KIF27: variants seen among roughly 807,000 people sequenced by gnomAD.
KIF27 encodes kinesin-like protein KIF27.
KIF27 carries 84 observed loss-of-function variants against 141.8 expected under a neutral mutation model. That is an observed-to-expected ratio of 0.59 (90% CI 0.50 to 0.71). KIF27 has a LOEUF of 0.71. KIF27 is among the 30% of genes least tolerant of loss of function. The pLI, the probability that KIF27 is intolerant of heterozygous loss-of-function variation, is 0.00. For missense variants in KIF27, 1,306 were observed against 1,628.4 expected (o/e 0.80, Z 3.41); for synonymous variants, 471 against 569.5 (o/e 0.83, Z 2.46).
chr9:83,903,586 TTAGCA>T lies in KIF27; in HGVS notation c.927_931del (p.Ser309ArgfsTer16). On this transcript the variant is annotated frameshift_variant, in exon 4 of 18. Transcript: ENST00000297814. LOFTEE classifies it high-confidence loss of function. ...GCTGACACATGTGATCATGACAGTC[TTAGCA>T]CTGCCTCCCAGAGAATCTTTCAGAA... The T allele has an allele frequency of 6.2e-7, 1 of 1,614,180 alleles. No homozygotes were observed. The highest frequency in any genetic ancestry group is 1.1e-5 in the South Asian group (1 of 91,082).
At chr9:83,887,707 AGG>A (rs1952237303) in intron 8 of KIF27, among the ~76,000 whole-genome samples, 2 of 152,038 alleles carry the variant, frequency 1.3e-5, no homozygotes, top group African/African-American at 4.8e-5. Context: ...TTCTCAAGGA[AGG>A]AACTAGTGTA....
chr9:83,854,912 AAT>A (rs1452614214), intron 14 of KIF27: 1 of 152,214 alleles, frequency 6.6e-6, no homozygotes, highest in Non-Finnish European at 1.5e-5. Context: ...GTTTGAACTC[AAT>A]ATCTGTTGAC....
chr9:83,895,413 G>A (rs1426839910), intron 5 of KIF27, among the ~76,000 whole-genome samples: 1 of 152,100 alleles, frequency 6.6e-6, no homozygotes, highest in East Asian at 1.9e-4. Context: ...GTTTGGGAAA[G>A]GGTAAATTAA....
In KIF27 at chr9:83,848,070, G is replaced by GATATATCATATATGAT. The variant is rs10622451; in HGVS notation, c.3556+2028_3556+2029insATCATATATGATATAT. On this transcript the variant is annotated intron_variant, in intron 16 of 17. Coordinates refer to ENST00000297814, the MANE Select transcript of KIF27 (RefSeq NM_017576.4). ...ACATATATCTATATATCATATATATGATATATGATATATCATATATATGAT... is the reference window on the plus strand; with the variant it reads ...ACATATATCTATATATCATATATATGATATATCATATATGATATATATGATATATCATATATATGAT... Among the ~76,000 whole-genome samples, 125 of 43,216 alleles carry GATATATCATATATGAT rather than the reference G, an allele frequency of 2.9e-3. 33 individuals are homozygous for GATATATCATATATGAT. The highest frequency in any genetic ancestry group is 0.021 in the East Asian group (46 of 2,162). The allele number at this position is 43,216 out of a possible 152,430, so 28.4% of individuals were successfully genotyped here.
At chr9:83,876,586 G>A (rs1413393969) in intron 11 of KIF27, among the ~76,000 whole-genome samples, 6 of 152,174 alleles carry the variant, frequency 3.9e-5, no homozygotes, top group Non-Finnish European at 1.5e-5. Context: ...ATGGAAAACT[G>A]TAGGGGCTCT....
At chr9:83,863,907 G>A (rs1950148482) in intron 13 of KIF27, 3 of 152,298 alleles carry the variant, frequency 2.0e-5, no homozygotes, top group Non-Finnish European at 1.5e-5. Flanking sequence ...AGTCTTGGGA[G>A]GGTGTATGTG....
Position 83,921,398 on chromosome 9 carries a change from G to T in KIF27, c.-115C>A, listed in dbSNP as rs965679102. On this transcript the variant is annotated 5_prime_UTR_variant, in exon 1 of 18. Coordinates refer to ENST00000297814, the MANE Select transcript of KIF27 (RefSeq NM_017576.4). ...GCTCGGGACAGCCCAGGCCCCTGTC[G>T]GCGAGCGCTGGACTCCTCAGCTTCG... 6.6e-6 allele frequency: 1 copy of T among 151,674 alleles called. No individual in the cohort carries two copies. Among genetic ancestry groups the T allele is most frequent in the Non-Finnish European group, 1.5e-5 (1 of 67,988 alleles). 9.4% of individuals were successfully genotyped at this position (151,674 alleles called of 1,614,324 possible).
chr9:83,918,937 A>G (rs1419693210), intron 1 of KIF27, among the ~76,000 whole-genome samples: 1 of 152,146 alleles, frequency 6.6e-6, no homozygotes, highest in African/African-American at 2.4e-5. Flanking sequence ...TTAGACGGGC[A>G]TGGTGGTGGG....
chr9:83,852,852 GA>G (rs1948769358), intron 15 of KIF27, among the ~76,000 whole-genome samples: 1 of 152,114 alleles, frequency 6.6e-6, no homozygotes, highest in Admixed American at 6.6e-5. Flanking sequence ...TGATTCTCTT[GA>G]CTCAGCCTCC....
intron 4 of KIF27, among the ~76,000 whole-genome samples, chr9:83,902,392 G>A (rs1954011633): frequency 1.3e-5 from 2 of 152,164 alleles, no homozygotes; most frequent in Non-Finnish European, 2.9e-5. Context: ...GTAACTAGGT[G>A]TGTCCTGTCC....
At chr9:83,906,293 C>T (rs1041879797) in intron 3 of KIF27, among the ~76,000 whole-genome samples, 1 of 152,124 alleles carries the variant, frequency 6.6e-6, no homozygotes. Context: ...CAGGACAGGG[C>T]TATAAAGATG....
Position 83,903,492 on chromosome 9 carries a change from T to C in KIF27, c.1026A>G (p.Arg342=), listed in dbSNP as rs1378649311. Residue 342 remains arginine, a synonymous_variant, in exon 4 of 18, where the codon AGA becomes AGG. Coordinates refer to ENST00000297814, the MANE Select transcript of KIF27 (RefSeq NM_017576.4). ...GGCTGAAGTTTACAGTGGGTTTGTT[T>C]CTAATGTTCCGTGCTCTGTTGGCAT... ...LKYANRARNI[R]NKPTVNFSPE... 1 of 1,614,092 alleles carries C rather than the reference T, an allele frequency of 6.2e-7. No homozygotes were observed. The highest frequency in any genetic ancestry group is 1.3e-5 in the African/African-American group (1 of 74,930).
chr9:83,852,473 T>G (rs969967473), intron 15 of KIF27, among the ~76,000 whole-genome samples: 1 of 150,360 alleles, frequency 6.7e-6, no homozygotes, highest in Non-Finnish European at 1.5e-5. Flanking sequence ...AAAAAAGTTA[T>G]CTATGTCAAA....
At chr9:83,843,763 C>T (rs1454102326) in intron 16 of KIF27, among the ~76,000 whole-genome samples, 1 of 152,054 alleles carries the variant, frequency 6.6e-6, no homozygotes, top group African/African-American at 2.4e-5. Context: ...CCCTGTTGCC[C>T]AGGGTAGAGT....
intron 11 of KIF27, among the ~76,000 whole-genome samples, chr9:83,876,939 G>A (rs1323135428): frequency 2.0e-5 from 3 of 152,092 alleles, no homozygotes; most frequent in Admixed American, 1.3e-4. Context: ...TTAGCCAGGT[G>A]TGGTGGTGTG....
intron 7 of KIF27, 121 bp from the exon 8 acceptor site, chr9:83,888,713 T>A: frequency 3.5e-6 from 2 of 576,670 alleles, no homozygotes; most frequent in Non-Finnish European, 5.9e-6. Context: ...AAAAACAGAA[T>A]GTTACTAATA....
intron 10 of KIF27, among the ~76,000 whole-genome samples, chr9:83,882,375 G>T (rs1951749854): frequency 6.6e-6 from 1 of 152,074 alleles, no homozygotes; most frequent in African/African-American, 2.4e-5. Context: ...AAAAAAGTAT[G>T]ATATGTTAGA....
chr9:83,907,931 C>T (rs2132661759), intron 3 of KIF27, among the ~76,000 whole-genome samples: 1 of 152,308 alleles, frequency 6.6e-6, no homozygotes, highest in South Asian at 2.1e-4. Flanking sequence ...CTTCACCTTA[C>T]CAACCAGTCT....
chr9:83,894,445 G>A (rs1952977220), intron 5 of KIF27, among the ~76,000 whole-genome samples: 1 of 152,160 alleles, frequency 6.6e-6, no homozygotes, highest in Non-Finnish European at 1.5e-5. Flanking sequence ...TGGATTTTGG[G>A]AGTGTTTCTT....
Sources: gnomAD v4.1 joint callset for allele counts (sites outside exome capture counted in the v4.1 genomes callset) on GRCh38, gnomAD v4.1.1 for gene constraint, MANE v1.5 for transcripts, NCBI Gene and HGNC (gene_info 2026-07-23, HGNC 2026-07-21) for gene names.